The following ZEB2 variants were observed in gnomAD, a reference collection of about 807,000 sequenced individuals.
ZEB2 encodes the protein zinc finger E-box binding homeobox 2, also known as zinc finger E-box-binding homeobox 2.
Under a neutral mutation model 99.9 loss-of-function variants are expected in ZEB2, and 6 were observed. The ratio of observed to expected loss-of-function variants is 0.06; its 90% CI spans 0.03 to 0.12. The LOEUF is 0.12. ZEB2 is among the 10% of genes least tolerant of loss of function. ZEB2 has a pLI of 1.00. For missense variants in ZEB2, 969 were observed against 1,502.8 expected, an observed-to-expected ratio of 0.64 and a Z score of 5.87; for synonymous variants, 517 against 542.5, an observed-to-expected ratio of 0.95 and a Z score of 0.65.
Position 144,517,226 on chromosome 2 carries a change from G to T in ZEB2, c.73+52C>A, listed in dbSNP as rs2149935057. 3 of 1,607,710 alleles carry T rather than the reference G, an allele frequency of 1.9e-6. No individual in the cohort carries two copies. The South Asian group carries it at 3.3e-5, about 18-fold the overall frequency. On this transcript the variant is annotated intron_variant, in intron 2 of 9. Coordinates refer to ENST00000627532, the MANE Select transcript of ZEB2 (RefSeq NM_014795.4). Reference sequence around the variant, plus strand: ...TTCCCTTTCCCCCTCCTTCTCCCTGGGTCTCGAGCCGCGTAGTGGCCCGGA... The same window carrying T: ...TTCCCTTTCCCCCTCCTTCTCCCTGTGTCTCGAGCCGCGTAGTGGCCCGGA...
At chr2:144,461,078 T>C (rs1704186682) in intron 2 of ZEB2, 1 of 140,962 alleles carries the variant, frequency 7.1e-6, no homozygotes, top group Non-Finnish European at 1.5e-5. Context: ...GTAAGTGCTA[T>C]AGTTATTTTC....
intron 2 of ZEB2, chr2:144,512,278 G>A (rs1186664486): frequency 7.8e-7 from 1 of 1,287,212 alleles, no homozygotes; most frequent in South Asian, 1.2e-5. Context: ...TCACACAGAA[G>A]AAAATGCACC....
chr2:144,441,745 T>A (rs528589423), intron 2 of ZEB2, among the ~76,000 whole-genome samples: 1 of 152,152 alleles, frequency 6.6e-6, no homozygotes, highest in Non-Finnish European at 1.5e-5. Context: ...TTTTTACTCA[T>A]CAAGATTATC....
rs752424029 is a variant in ZEB2 at position 144,399,727 on chromosome 2, T to G, written c.1460A>C (p.Lys487Thr). 1 of 1,613,928 alleles carries G rather than the reference T, an allele frequency of 6.2e-7. No individual in the cohort carries two copies. The highest frequency in any genetic ancestry group is 2.2e-5 in the East Asian group (1 of 44,888). ...GCATGGATCCTTCATGTGATAACCTTTCAACTTTGAAATTTCTTCAGCCTT... is the reference window on the plus strand; with the variant it reads ...GCATGGATCCTTCATGTGATAACCTGTCAACTTTGAAATTTCTTCAGCCTT... ...DCKAEEISKL[K>T]GYHMKDPCSQ... is the part of the protein sequence containing the mutation. The change falls in exon 8 of 10, where the codon AAA (lysine) becomes ACA (threonine). Residue 487 changes from lysine to threonine, a missense_variant. Lys to Thr is a moderately conservative substitution (Grantham distance 78). This residue lies in a region of ZEB2 where 227 missense variants were observed against 278.2 expected (regional missense o/e 0.82). Transcript: ENST00000627532. This position sits in a 1 kb window ranked among gnomAD's most constrained non-coding sequence, Gnocchi z 5.6.
At chr2:144,474,147 A>G (rs1227527736) in intron 2 of ZEB2, among the ~76,000 whole-genome samples, 1 of 152,180 alleles carries the variant, frequency 6.6e-6, no homozygotes, top group Non-Finnish European at 1.5e-5. Flanking sequence ...CAGCTGGGAG[A>G]GGAGCAGAGC....
At chr2:144,506,529 T>C (rs1295381930) in intron 2 of ZEB2, among the ~76,000 whole-genome samples, 2 of 152,206 alleles carry the variant, frequency 1.3e-5, no homozygotes, top group African/African-American at 4.8e-5. Context: ...GCATGGTGTC[T>C]AAAATAGAAA....
At chr2:144,454,770 A>G (rs566647807) in intron 2 of ZEB2, among the ~76,000 whole-genome samples, 14 of 152,208 alleles carry the variant, frequency 9.2e-5, no homozygotes, top group African/African-American at 3.1e-4. Flanking sequence ...GAATGTAGGG[A>G]TTTTGTTTGA....
intron 2 of ZEB2, among the ~76,000 whole-genome samples, chr2:144,442,342 T>A (rs893389208): frequency 6.6e-6 from 1 of 152,154 alleles, no homozygotes; most frequent in African/African-American, 2.4e-5. Flanking sequence ...TTAAATTATT[T>A]AAAAAATTTA....
chr2:144,391,104 C>T (rs146811855), intron 9 of ZEB2, among the ~76,000 whole-genome samples: 209 of 152,264 alleles, frequency 1.4e-3, no homozygotes, highest in Middle Eastern at 3.4e-3. Context: ...TTTTCGTTTG[C>T]TAAGTGTCAT....
chr2:144,459,898 C>G (rs996364268), intron 2 of ZEB2, among the ~76,000 whole-genome samples: 1 of 152,060 alleles, frequency 6.6e-6, no homozygotes, highest in African/African-American at 2.4e-5. Flanking sequence ...AAAACAGGCT[C>G]GTAGATTTTA....
chr2:144,457,191 A>G (rs1315754788), intron 2 of ZEB2, among the ~76,000 whole-genome samples: 1 of 152,182 alleles, frequency 6.6e-6, no homozygotes, highest in Non-Finnish European at 1.5e-5. Flanking sequence ...TTATGCATTA[A>G]TCCACTGACA....
Position 144,399,911 on chromosome 2 carries a change from A to T in ZEB2, c.1276T>A (p.Leu426Ile), listed in dbSNP as rs201881288. 558 of 1,614,062 alleles carry T rather than the reference A, an allele frequency of 3.5e-4. No homozygotes were observed. The highest frequency in any genetic ancestry group is 4.2e-4 in the Non-Finnish European group (495 of 1,180,028). ...MNGGLGATSP[L>I]GVHPSAQSPM... Reference sequence around the variant, plus strand: ...CTCTGAGCAGATGGATGAACTCCTAAAGGGCTGGTGGCTCCAAGCCCACCA... The same window carrying T: ...CTCTGAGCAGATGGATGAACTCCTATAGGGCTGGTGGCTCCAAGCCCACCA... Residue 426 changes from leucine (L) to isoleucine (I), a missense_variant, in exon 8 of 10, where the codon TTA becomes ATA. Physicochemically the swap from Leu to Ile is conservative, Grantham distance 5 (BLOSUM62 2). This residue lies in a region of ZEB2 where 227 missense variants were observed against 278.2 expected (regional missense o/e 0.82). Transcript: ENST00000627532. The surrounding 1 kb of genome is among the most constrained non-coding windows in gnomAD (Gnocchi z 5.6).
At chr2:144,489,327 G>A (rs1032208355) in intron 2 of ZEB2, among the ~76,000 whole-genome samples, 2 of 152,072 alleles carry the variant, frequency 1.3e-5, no homozygotes, top group Admixed American at 6.5e-5. Flanking sequence ...TGCCTTTAGA[G>A]GGCCTTGTTT....
intron 4 of ZEB2, among the ~76,000 whole-genome samples, chr2:144,411,580 A>G (rs1703465362): frequency 6.6e-6 from 1 of 152,232 alleles, no homozygotes; most frequent in African/African-American, 2.4e-5. Flanking sequence ...CTCATTACAC[A>G]GCTACATGGG....
chr2:144,490,136 C>CATTA lies in ZEB2; in HGVS notation c.73+27138_73+27141dup, dbSNP rs150664047. Among the ~76,000 whole-genome samples, 148 of 152,264 alleles carry CATTA rather than the reference C, an allele frequency of 9.7e-4. 1 individual carries two copies. The highest frequency in any genetic ancestry group is 3.2e-3 in the African/African-American group (133 of 41,548). On this transcript the variant is annotated intron_variant, in intron 2 of 9. Transcript: ENST00000627532. ...CACCTAGTTCCCTGAAAGTGATGAT[C>CATTA]ATTAGAGGCAATGCAATGGTAAGAG...
At chr2:144,444,107 C>T (rs1362576492) in intron 2 of ZEB2, among the ~76,000 whole-genome samples, 2 of 152,200 alleles carry the variant, frequency 1.3e-5, no homozygotes, top group Non-Finnish European at 2.9e-5. Flanking sequence ...TGTCTTTGCA[C>T]TCTAACATTC....
intron 2 of ZEB2, among the ~76,000 whole-genome samples, chr2:144,439,074 C>A (rs1244865504): frequency 1.3e-5 from 2 of 150,126 alleles, no homozygotes; most frequent in Non-Finnish European, 2.9e-5. Context: ...TACAGCCAGG[C>A]TCTAATTGAA....
chr2:144,418,361 G>A (rs773400863), intron 4 of ZEB2, among the ~76,000 whole-genome samples: 17 of 152,270 alleles, frequency 1.1e-4, no homozygotes, highest in Non-Finnish European at 2.1e-4. Flanking sequence ...GGAGAAAACC[G>A]TTTACGATGT....
chr2:144,440,986 T>A (rs1042240063), intron 2 of ZEB2, among the ~76,000 whole-genome samples: 1 of 149,786 alleles, frequency 6.7e-6, no homozygotes, highest in Non-Finnish European at 1.5e-5. Context: ...CCAAACTGCA[T>A]GTAAACAAAC....
Sources: gnomAD v4.1 joint callset for allele counts (sites outside exome capture counted in the v4.1 genomes callset) on GRCh38, gnomAD v4.1.1 for gene constraint, gnomAD v4.1.1 regional missense constraint, Gnocchi (gnomAD v3.1) non-coding constraint, MANE v1.5 for transcripts, NCBI Gene and HGNC (gene_info 2026-07-23, HGNC 2026-07-21) for gene names.